Variants in STT3B observed in about 807,000 individuals in gnomAD.
STT3B encodes the protein dolichyl-diphosphooligosaccharide--protein glycosyltransferase subunit STT3B.
In STT3B, 29 loss-of-function variants were observed where a neutral mutation model predicts 96.8. That is an observed-to-expected ratio of 0.30 (90% CI 0.22 to 0.41). The LOEUF is 0.41. Among genes scored for constraint, STT3B ranks in the 10% least tolerant of loss-of-function variants. STT3B has a pLI of 1.00. For missense variants in STT3B, 640 were observed against 1,022.3 expected (o/e 0.63, Z 5.10); for synonymous variants, 367 against 360.0 (o/e 1.02, Z -0.22).
intron 1 of STT3B, among the ~76,000 whole-genome samples, chr3:31,575,475 G>C (rs545755011): frequency 6.6e-6 from 1 of 151,718 alleles, no homozygotes; most frequent in East Asian, 1.9e-4. Context: ...TTGGGGGGGG[G>C]ATATGTTGCT....
At chr3:31,601,698 G>T (rs1487948489) in intron 5 of STT3B, among the ~76,000 whole-genome samples, 1 of 152,022 alleles carries the variant, frequency 6.6e-6, no homozygotes, top group African/African-American at 2.4e-5. Flanking sequence ...AGTAGTGATG[G>T]TCGCACAACC....
chr3:31,631,701 C>T (rs1397943932), intron 14 of STT3B, among the ~76,000 whole-genome samples: 2 of 151,794 alleles, frequency 1.3e-5, no homozygotes, highest in Non-Finnish European at 2.9e-5. Context: ...AATCCCAGAA[C>T]TTTGGGAGGT....
At chr3:31,539,630 T>C (rs1474776624) in intron 1 of STT3B, among the ~76,000 whole-genome samples, 2 of 152,184 alleles carry the variant, frequency 1.3e-5, no homozygotes, top group African/African-American at 4.8e-5. Context: ...CAATCCGGGC[T>C]GTAGCTAACT....
At chr3:31,591,338 T>G (rs1162285309) in intron 3 of STT3B, among the ~76,000 whole-genome samples, 1 of 152,160 alleles carries the variant, frequency 6.6e-6, no homozygotes, top group Non-Finnish European at 1.5e-5. Flanking sequence ...TATTTGTATC[T>G]CTGGATTTTA....
At chr3:31,589,270 T>C (rs1432064854) in intron 3 of STT3B, among the ~76,000 whole-genome samples, 2 of 152,084 alleles carry the variant, frequency 1.3e-5, no homozygotes, top group African/African-American at 4.8e-5. Flanking sequence ...TAGGAACAAG[T>C]TTAACTTTCA....
chr3:31,566,686 T>C (rs1383349737), intron 1 of STT3B, among the ~76,000 whole-genome samples: 1 of 152,186 alleles, frequency 6.6e-6, no homozygotes, highest in Admixed American at 6.5e-5. Context: ...AGGACCTCAT[T>C]TATACCCTGC....
At chr3:31,629,719 C>G (rs375103969) in intron 14 of STT3B, among the ~76,000 whole-genome samples, 1 of 152,284 alleles carries the variant, frequency 6.6e-6, no homozygotes, top group African/African-American at 2.4e-5. Flanking sequence ...GAAGAGTTCT[C>G]CTAGCTAGGA....
intron 2 of STT3B, among the ~76,000 whole-genome samples, chr3:31,578,759 G>A (rs1047739835): frequency 1.3e-5 from 2 of 151,802 alleles, no homozygotes; most frequent in African/African-American, 2.4e-5. Flanking sequence ...TGGATGCTGG[G>A]GAAAAATTTC....
chr3:31,565,704 G>A (rs1697988224), intron 1 of STT3B, among the ~76,000 whole-genome samples: 1 of 152,200 alleles, frequency 6.6e-6, no homozygotes. Context: ...CAACAATTAT[G>A]TATGACCCTT....
intron 10 of STT3B, 54 bp downstream of exon 10, chr3:31,622,362 C>A: frequency 7.0e-7 from 1 of 1,431,240 alleles, no homozygotes; most frequent in Non-Finnish European, 9.8e-7. Context: ...CTTAATTTTT[C>A]CACCACAGTA....
chr3:31,572,141 T>C (rs927480763), intron 1 of STT3B, among the ~76,000 whole-genome samples: 1 of 137,128 alleles, frequency 7.3e-6, no homozygotes, highest in African/African-American at 3.0e-5. Flanking sequence ...GCACCTGATC[T>C]AAATTTATAT....
chr3:31,633,387 C>T (rs1699701083), intron 15 of STT3B, among the ~76,000 whole-genome samples: 1 of 152,108 alleles, frequency 6.6e-6, no homozygotes, highest in South Asian at 2.1e-4. Flanking sequence ...GTGCTATTGC[C>T]ATTAGTAAGA....
At chr3:31,622,342 T>C in intron 10 of STT3B, 34 bp downstream of exon 10, 1 of 1,551,738 alleles carries the variant, frequency 6.4e-7, no homozygotes, top group Non-Finnish European at 8.9e-7. Context: ...TTAAATTGTC[T>C]ATGTCCTTTC....
At chr3:31,582,300 CTTTT>C (rs11430589) in intron 3 of STT3B, among the ~76,000 whole-genome samples, 2 of 139,284 alleles carry the variant, frequency 1.4e-5, no homozygotes. Flanking sequence ...TTCTTTCCTT[CTTTT>C]TTTTTTTTTT....
At chr3:31,545,958 T>A (rs1697402294) in intron 1 of STT3B, among the ~76,000 whole-genome samples, 1 of 152,198 alleles carries the variant, frequency 6.6e-6, no homozygotes, top group Admixed American at 6.5e-5. Context: ...TAATTTTTGC[T>A]TTGTTTGGAG....
chr3:31,612,981 C>G (rs2125470594), intron 5 of STT3B, among the ~76,000 whole-genome samples: 1 of 152,272 alleles, frequency 6.6e-6, no homozygotes, highest in East Asian at 1.9e-4. Flanking sequence ...AAAACAACAT[C>G]TATTACCTTT....
intron 2 of STT3B, 81 bp from the exon 3 acceptor site, chr3:31,579,728 T>C: frequency 1.0e-6 from 1 of 990,770 alleles, no homozygotes; most frequent in South Asian, 1.9e-5. Flanking sequence ...GTAAACAAAA[T>C]GTAATGATGA....
intron 8 of STT3B, 152 bp from the exon 9 acceptor site, chr3:31,619,524 A>T: frequency 1.6e-6 from 1 of 627,792 alleles, no homozygotes; most frequent in Non-Finnish European, 2.7e-6. Context: ...AACAGAAACT[A>T]TCCAGTATAA....
intron 5 of STT3B, among the ~76,000 whole-genome samples, chr3:31,605,238 A>G (rs1699024968): frequency 6.6e-6 from 1 of 152,158 alleles, no homozygotes; most frequent in East Asian, 1.9e-4. Flanking sequence ...CTTTCACTCA[A>G]CTATTTTTGG....
Sources: gnomAD v4.1 joint callset for allele counts (sites outside exome capture counted in the v4.1 genomes callset) on GRCh38, gnomAD v4.1.1 for gene constraint, MANE v1.5 for transcripts, NCBI Gene and HGNC (gene_info 2026-07-23, HGNC 2026-07-21) for gene names.